Variants in EGFLAM observed in about 807,000 individuals in gnomAD.
EGFLAM encodes the protein EGF like, fibronectin type III and laminin G domains, also known as pikachurin.
In EGFLAM, 79 loss-of-function variants were observed where a neutral mutation model predicts 113.1. That is an observed-to-expected ratio of 0.70 (90% CI 0.58 to 0.84). The LOEUF (loss-of-function observed/expected upper bound fraction) is 0.84. Among genes scored for constraint, EGFLAM ranks in the 40% least tolerant of loss-of-function variants. The pLI, the probability that EGFLAM is intolerant of heterozygous loss-of-function variation, is 0.00. For synonymous variants in EGFLAM, 504 were observed against 487.6 expected (o/e 1.03, Z -0.44); for missense variants, 1,265 against 1,291.6 (o/e 0.98, Z 0.32).
chr5:38,426,119 A>T (rs560947528), intron 13 of EGFLAM, among the ~76,000 whole-genome samples: 94 of 151,154 alleles, frequency 6.2e-4, no homozygotes, highest in Non-Finnish European at 1.3e-3. Context: ...AAAAAAAAAG[A>T]TAGGGAAGGT....
At chr5:38,305,618 G>A (rs1211384106) in intron 1 of EGFLAM, 1 of 247,386 alleles carries the variant, frequency 4.0e-6, no homozygotes, top group East Asian at 1.1e-4. Context: ...ACTGGAACAG[G>A]TCAGTAGGCT....
intron 3 of EGFLAM, among the ~76,000 whole-genome samples, chr5:38,349,124 G>A (rs932539039): frequency 8.5e-5 from 13 of 152,150 alleles, no homozygotes; most frequent in African/African-American, 2.9e-4. Flanking sequence ...AACAATGGAC[G>A]TTCAAACATC....
At chr5:38,390,444 A>G (rs1270739925) in intron 6 of EGFLAM, among the ~76,000 whole-genome samples, 1 of 152,218 alleles carries the variant, frequency 6.6e-6, no homozygotes, top group African/African-American at 2.4e-5. Flanking sequence ...ATTAGAAACC[A>G]TATTACAATG....
chr5:38,450,031 C>T (rs183789597), intron 18 of EGFLAM, among the ~76,000 whole-genome samples: 1 of 152,242 alleles, frequency 6.6e-6, no homozygotes, highest in East Asian at 1.9e-4. Flanking sequence ...GTCCAAAAGA[C>T]TTTTTTTCTC....
At chr5:38,462,365 A>G (rs1743311360) in intron 20 of EGFLAM, among the ~76,000 whole-genome samples, 1 of 152,096 alleles carries the variant, frequency 6.6e-6, no homozygotes, top group Admixed American at 6.5e-5. Flanking sequence ...TGTCACCTTC[A>G]GGATAAATTC....
chr5:38,336,100 A>G (rs1739173894), intron 1 of EGFLAM, among the ~76,000 whole-genome samples: 1 of 152,146 alleles, frequency 6.6e-6, no homozygotes, highest in South Asian at 2.1e-4. Context: ...CGGGATGACA[A>G]ATGCTGTTTA....
intron 6 of EGFLAM, among the ~76,000 whole-genome samples, chr5:38,392,975 T>A (rs1298783516): frequency 1.3e-5 from 2 of 152,150 alleles, no homozygotes; most frequent in Non-Finnish European, 2.9e-5. Flanking sequence ...TGACCTCAAG[T>A]GATCTGCCCA....
At chr5:38,445,510 C>T (rs936195400) in intron 17 of EGFLAM, 10 of 1,518,388 alleles carry the variant, frequency 6.6e-6, no homozygotes, top group African/African-American at 1.4e-5. Flanking sequence ...AGTGGTTCCC[C>T]GCGGGGCTCA....
At chr5:38,397,539 C>T (rs959001113) in intron 6 of EGFLAM, among the ~76,000 whole-genome samples, 1 of 152,088 alleles carries the variant, frequency 6.6e-6, no homozygotes, top group African/African-American at 2.4e-5. Context: ...GCAATCTTCC[C>T]ACCTCAACTT....
chr5:38,356,557 C>T lies in EGFLAM; in HGVS notation c.545+4226C>T, dbSNP rs145315845. Among the ~76,000 whole-genome samples the T allele has an allele frequency of 7.9e-3, 1,199 of 152,248 alleles. 14 individuals are homozygous for T. Among genetic ancestry groups the T allele is most frequent in the African/African-American group, 0.027 (1,115 of 41,530 alleles). On this transcript the variant is annotated intron_variant, in intron 5 of 21. Transcript: ENST00000322350. ...AACCGAATTCTCCTGACTTCCGGCC[C>T]GGTGCTCTTTTTATGAATCCCCATG...
chr5:38,433,107 G>C (rs1018038283), intron 15 of EGFLAM, among the ~76,000 whole-genome samples: 1 of 152,216 alleles, frequency 6.6e-6, no homozygotes, highest in Non-Finnish European at 1.5e-5. Flanking sequence ...TTTTCCACAA[G>C]GAATTCTGCT....
chr5:38,459,126 G>C (rs957661620), intron 20 of EGFLAM, among the ~76,000 whole-genome samples: 4 of 151,944 alleles, frequency 2.6e-5, no homozygotes, highest in Admixed American at 6.5e-5. Flanking sequence ...AGCCTCGCTT[G>C]ACCTCCCAGG....
At chr5:38,317,287 T>A (rs898694664) in intron 1 of EGFLAM, among the ~76,000 whole-genome samples, 12 of 152,176 alleles carry the variant, frequency 7.9e-5, no homozygotes, top group African/African-American at 2.9e-4. Context: ...ATCATCTTGT[T>A]AAGCCATGAG....
chr5:38,355,254 T>A (rs1435805939), intron 5 of EGFLAM, among the ~76,000 whole-genome samples: 3 of 152,166 alleles, frequency 2.0e-5, no homozygotes, highest in South Asian at 2.1e-4. Flanking sequence ...ACATTGCCCA[T>A]GAAAAAGACA....
At chr5:38,332,413 T>C (rs1229444959) in intron 1 of EGFLAM, among the ~76,000 whole-genome samples, 3 of 152,132 alleles carry the variant, frequency 2.0e-5, no homozygotes, top group African/African-American at 7.2e-5. Flanking sequence ...AGAAAAGTTA[T>C]ATTTTTACTC....
chr5:38,413,192 T>A (rs1184483822), intron 11 of EGFLAM, among the ~76,000 whole-genome samples: 1 of 142,972 alleles, frequency 7.0e-6, no homozygotes, highest in African/African-American at 2.6e-5. Flanking sequence ...CTAATTTTTT[T>A]TTTTTTTTTT....
In EGFLAM at chr5:38,435,162, A is replaced by G. The variant is rs1448792090; in HGVS notation, c.2192A>G (p.Asn731Ser). The change falls in exon 16 of 22, where the codon AAC becomes AGC. Residue 731 changes from asparagine to serine, a missense_variant. By Grantham distance (46) the Asn-to-Ser change is conservative. Coordinates refer to ENST00000322350, the MANE Select transcript of EGFLAM (RefSeq NM_152403.4). Reference sequence around the variant, plus strand: ...GGAGGCTTCACACAGATTAAGTGCAACACAGACATTTTCATTGGCGGAGTC... The same window carrying G: ...GGAGGCTTCACACAGATTAAGTGCAGCACAGACATTTTCATTGGCGGAGTC... ...AEGGFTQIKC[N>S]TDIFIGGVPN... The G allele has an allele frequency of 9.9e-6, 16 of 1,614,046 alleles. No homozygotes were observed. The highest frequency in any genetic ancestry group is 1.3e-5 in the African/African-American group (1 of 74,916).
At chr5:38,314,677 C>T (rs892158166) in intron 1 of EGFLAM, among the ~76,000 whole-genome samples, 4 of 152,280 alleles carry the variant, frequency 2.6e-5, no homozygotes, top group African/African-American at 4.8e-5. Context: ...GAAGCCTTAC[C>T]GCCCACCCAA....
rs917673612 is a variant in EGFLAM, at chr5:38,337,376, G to T, written c.98-144G>T. Reference sequence around the variant, plus strand: ...AGTGAGGTCAGCTGAGATAGGTGTGGTGTATCAGAAATTGACTGCATTTCT... The same window carrying T: ...AGTGAGGTCAGCTGAGATAGGTGTGTTGTATCAGAAATTGACTGCATTTCT... On this transcript the variant is annotated intron_variant, in intron 1 of 21. Coordinates refer to ENST00000322350, the MANE Select transcript of EGFLAM (RefSeq NM_152403.4). 14 of 748,418 alleles carry T rather than the reference G, an allele frequency of 1.9e-5. No individual in the cohort carries two copies. In the Admixed American group the frequency reaches 3.2e-4, roughly 17 times the overall value. The allele number at this position is 748,418 out of a possible 1,614,324, so 46.4% of individuals were successfully genotyped here.
Sources: gnomAD v4.1 joint callset for allele counts (sites outside exome capture counted in the v4.1 genomes callset) on GRCh38, gnomAD v4.1.1 for gene constraint, MANE v1.5 for transcripts, NCBI Gene and HGNC (gene_info 2026-07-23, HGNC 2026-07-21) for gene names.